HS3ST4: variants seen among roughly 807,000 people sequenced by gnomAD.
HS3ST4 encodes the protein heparan sulfate glucosamine 3-O-sulfotransferase 4.
In HS3ST4, 17 loss-of-function variants were observed where a neutral mutation model predicts 29.2. The observed-to-expected ratio is 0.58, with a 90% confidence interval of 0.40 to 0.87. The LOEUF is 0.87. HS3ST4 is among the 40% of genes least tolerant of loss of function. The probability of loss-of-function intolerance (pLI) is 0.00; values close to 1 mark genes in which losing one functional copy is unlikely to be tolerated. For missense variants in HS3ST4, 627 were observed against 634.5 expected, an observed-to-expected ratio of 0.99 and a Z score of 0.13; for synonymous variants, 314 against 285.7, an observed-to-expected ratio of 1.10 and a Z score of -1.00.
intron 1 of HS3ST4, among the ~76,000 whole-genome samples, chr16:25,892,179 G>A (rs1386018459): frequency 6.6e-6 from 1 of 152,136 alleles, no homozygotes; most frequent in Non-Finnish European, 1.5e-5. Flanking sequence ...AAGAATGTGA[G>A]ATGAGAGATG....
intron 1 of HS3ST4, among the ~76,000 whole-genome samples, chr16:26,060,976 T>G (rs1898467255): frequency 6.6e-6 from 1 of 152,232 alleles, no homozygotes; most frequent in Non-Finnish European, 1.5e-5. Context: ...TAAAGATGTT[T>G]AGTAAGACAA....
chr16:25,761,541 A>G lies in HS3ST4; in HGVS notation c.734+68390A>G, dbSNP rs572581158. On this transcript the variant is annotated intron_variant, in intron 1 of 1. Coordinates refer to ENST00000331351, the MANE Select transcript of HS3ST4 (RefSeq NM_006040.3). ...GAGAGGTTTGGCATCTCCATCAGCC[A>G]GGCACGGAGTTGACTTTGTTGGATG... Among the ~76,000 whole-genome samples, 6 of 152,368 alleles carry G rather than the reference A, an allele frequency of 3.9e-5. No homozygotes were observed. In the East Asian group the frequency reaches 9.7e-4, roughly 25 times the overall value.
Position 25,988,174 on chromosome 16 carries a change from A to G in HS3ST4, c.735-147438A>G, listed in dbSNP as rs112004034. Among the ~76,000 whole-genome samples the G allele has an allele frequency of 5.4e-3, 828 of 152,340 alleles. 5 individuals carry two copies. The highest frequency in any genetic ancestry group is 8.9e-3 in the Non-Finnish European group (606 of 68,034). On this transcript the variant is annotated intron_variant, in intron 1 of 1. Coordinates refer to ENST00000331351, the MANE Select transcript of HS3ST4 (RefSeq NM_006040.3). ...GTCTGCACGCCTGTCTTCCATGAGC[A>G]GAGAGGTGGCAGCTGGGCCCGCTCA...
chr16:25,964,598 G>A (rs1226791653), intron 1 of HS3ST4, among the ~76,000 whole-genome samples: 1 of 152,182 alleles, frequency 6.6e-6, no homozygotes, highest in Non-Finnish European at 1.5e-5. Context: ...ACCCCAGCTA[G>A]GAAATGATGG....
At chr16:25,938,738 T>C (rs1968543384) in intron 1 of HS3ST4, among the ~76,000 whole-genome samples, 1 of 152,150 alleles carries the variant, frequency 6.6e-6, no homozygotes, top group African/African-American at 2.4e-5. Context: ...CCTGTCTACT[T>C]CCCCTTTTAC....
chr16:25,912,566 A>C (rs146501890), intron 1 of HS3ST4, among the ~76,000 whole-genome samples: 136 of 152,302 alleles, frequency 8.9e-4, no homozygotes, highest in Middle Eastern at 3.4e-3. Flanking sequence ...CTTCCTCCCC[A>C]GAACATCAGC....
At chr16:25,944,707 CCTCT>C (rs2141693933) in intron 1 of HS3ST4, among the ~76,000 whole-genome samples, 1 of 152,212 alleles carries the variant, frequency 6.6e-6, no homozygotes, top group South Asian at 2.1e-4. Flanking sequence ...CAAGACTCTC[CCTCT>C]CTATCTTCCT....
intron 1 of HS3ST4, among the ~76,000 whole-genome samples, chr16:25,781,756 G>A (rs566437734): frequency 1.3e-5 from 2 of 152,156 alleles, no homozygotes; most frequent in Admixed American, 6.5e-5. Flanking sequence ...TGAAAGTTTA[G>A]CAGTATTATT....
At chr16:25,711,267 G>A (rs1200437894) in intron 1 of HS3ST4, among the ~76,000 whole-genome samples, 1 of 152,120 alleles carries the variant, frequency 6.6e-6, no homozygotes, top group African/African-American at 2.4e-5. Context: ...GAGCCCTGCT[G>A]TGCGTTGGCA....
intron 1 of HS3ST4, among the ~76,000 whole-genome samples, chr16:26,110,996 G>A (rs148343597): frequency 1.3e-4 from 20 of 152,182 alleles, no homozygotes; most frequent in Non-Finnish European, 2.1e-4. Context: ...TTGTAAGGGT[G>A]TGTGTGTGTG....
chr16:25,891,154 G>T (rs1281837437), intron 1 of HS3ST4, among the ~76,000 whole-genome samples: 5 of 152,224 alleles, frequency 3.3e-5, no homozygotes, highest in African/African-American at 9.6e-5. Flanking sequence ...TTTCAGGCTT[G>T]CAGACTACAG....
At chr16:25,738,326 C>G (rs1424869753) in intron 1 of HS3ST4, among the ~76,000 whole-genome samples, 1 of 152,194 alleles carries the variant, frequency 6.6e-6, no homozygotes, top group East Asian at 1.9e-4. Context: ...CAGCTCTTAC[C>G]TCTTTCCCCA....
chr16:25,706,472 G>A (rs958929476), intron 1 of HS3ST4, among the ~76,000 whole-genome samples: 3 of 151,916 alleles, frequency 2.0e-5, no homozygotes, highest in African/African-American at 4.8e-5. Flanking sequence ...CTATCAACCC[G>A]TCATCTAGGT....
chr16:26,123,036 A>G (rs1899296526), intron 1 of HS3ST4, among the ~76,000 whole-genome samples: 1 of 150,360 alleles, frequency 6.7e-6, no homozygotes, highest in Admixed American at 6.6e-5. Flanking sequence ...CCTGGGTGAT[A>G]GAGTGAGACT....
intron 1 of HS3ST4, among the ~76,000 whole-genome samples, chr16:25,945,998 T>C (rs1968621619): frequency 6.6e-6 from 1 of 152,208 alleles, no homozygotes; most frequent in Admixed American, 6.5e-5. Context: ...TATTGCCAGA[T>C]CCCAATTCCT....
intron 1 of HS3ST4, among the ~76,000 whole-genome samples, chr16:25,823,745 G>A (rs1967186983): frequency 6.6e-6 from 1 of 152,098 alleles, no homozygotes; most frequent in South Asian, 2.1e-4. Flanking sequence ...TGTATTTTTA[G>A]TAGAGATGGG....
At chr16:25,696,381 G>C (rs1171612068) in intron 1 of HS3ST4, among the ~76,000 whole-genome samples, 2 of 152,230 alleles carry the variant, frequency 1.3e-5, no homozygotes, top group East Asian at 1.9e-4. Context: ...CAAGGTGACA[G>C]AGACAACATG....
chr16:26,059,062 C>G (rs1469066536), intron 1 of HS3ST4, among the ~76,000 whole-genome samples: 1 of 152,056 alleles, frequency 6.6e-6, no homozygotes, highest in East Asian at 1.9e-4. Context: ...AAGATGAGTT[C>G]AAGTTGTGAT....
intron 1 of HS3ST4, among the ~76,000 whole-genome samples, chr16:25,848,880 C>T (rs1257986891): frequency 6.6e-6 from 1 of 151,656 alleles, no homozygotes; most frequent in Non-Finnish European, 1.5e-5. Flanking sequence ...CATTTATTTT[C>T]AGTCTTCCTT....
Sources: gnomAD v4.1 joint callset for allele counts (sites outside exome capture counted in the v4.1 genomes callset) on GRCh38, gnomAD v4.1.1 for gene constraint, MANE v1.5 for transcripts, NCBI Gene and HGNC (gene_info 2026-07-23, HGNC 2026-07-21) for gene names.